The following C12orf75 variants were observed in gnomAD, a reference collection of about 807,000 sequenced individuals.
C12orf75 encodes the protein overexpressed in colon carcinoma 1 protein.
C12orf75 carries 4 observed loss-of-function variants against 11.4 expected under a neutral mutation model. The observed-to-expected ratio is 0.35, with a 90% confidence interval of 0.17 to 0.80. C12orf75 has a LOEUF of 0.80. Ranked by LOEUF, C12orf75 falls within the 30% of genes least tolerant of loss-of-function variation. The pLI, the probability that C12orf75 is intolerant of heterozygous loss-of-function variation, is 0.52. For synonymous variants in C12orf75, 30 were observed against 30.0 expected (o/e 1.00, Z 0.00); for missense variants, 89 against 80.4 (o/e 1.11, Z -0.41).
intron 5 of C12orf75, among the ~76,000 whole-genome samples, chr12:105,367,939 C>T (rs1871524565): frequency 6.6e-6 from 1 of 152,042 alleles, no homozygotes; most frequent in Non-Finnish European, 1.5e-5. Flanking sequence ...ACCAGAACTC[C>T]AGTAGAGATG....
chr12:105,338,949 A>G (rs1177962488), intron 1 of C12orf75, among the ~76,000 whole-genome samples: 14 of 152,226 alleles, frequency 9.2e-5, no homozygotes, highest in South Asian at 2.1e-4. Context: ...GAGATTTTCT[A>G]TAAGAGCTTC....
intron 2 of C12orf75, among the ~76,000 whole-genome samples, chr12:105,357,981 A>G (rs1003117648): frequency 4.6e-5 from 7 of 151,984 alleles, no homozygotes; most frequent in Non-Finnish European, 8.8e-5. Flanking sequence ...AGTAGCTGGG[A>G]CTACAGGTGC....
At chr12:105,342,327 G>A (rs936272660) in intron 1 of C12orf75, among the ~76,000 whole-genome samples, 1 of 152,202 alleles carries the variant, frequency 6.6e-6, no homozygotes, top group African/African-American at 2.4e-5. Flanking sequence ...TATTGAGAGA[G>A]TGGGTTGCTG....
At chr12:105,364,837 CTTTTTTTTTTTTT>C (rs71440583) in intron 2 of C12orf75, among the ~76,000 whole-genome samples, 1 of 125,698 alleles carries the variant, frequency 8.0e-6, no homozygotes, top group Non-Finnish European at 1.7e-5. Context: ...ATATGGACTC[CTTTTTTTTTTTTT>C]TTTTTTTTTG....
intron 1 of C12orf75, among the ~76,000 whole-genome samples, chr12:105,331,802 C>T (rs1027195310): frequency 3.9e-5 from 6 of 152,048 alleles, no homozygotes; most frequent in African/African-American, 2.4e-5. Context: ...TAACTGCTGA[C>T]CTATTTCAGT....
chr12:105,341,393 C>G (rs925451153), intron 1 of C12orf75, among the ~76,000 whole-genome samples: 1 of 152,164 alleles, frequency 6.6e-6, no homozygotes, highest in African/African-American at 2.4e-5. Flanking sequence ...GAGTTAGTGT[C>G]AGCCTCCACA....
At chr12:105,356,795 C>A (rs73383205) in intron 2 of C12orf75, among the ~76,000 whole-genome samples, 2,454 of 152,180 alleles carry the variant, frequency 0.016, 66 homozygotes, top group African/African-American at 0.056. Flanking sequence ...AAGATTTTGA[C>A]TACCATATAT....
At chr12:105,347,218 T>C (rs1892651290) in intron 1 of C12orf75, among the ~76,000 whole-genome samples, 2 of 152,220 alleles carry the variant, frequency 1.3e-5, no homozygotes, top group Non-Finnish European at 1.5e-5. Context: ...TGAGCTGTTT[T>C]TGTCACATGG....
chr12:105,354,101 G>T (rs1447388292), intron 2 of C12orf75, among the ~76,000 whole-genome samples: 1 of 152,184 alleles, frequency 6.6e-6, no homozygotes, highest in Non-Finnish European at 1.5e-5. Context: ...TATCTGATGG[G>T]CTCTTTTCTC....
chr12:105,355,043 A>T (rs1892757880), intron 2 of C12orf75, among the ~76,000 whole-genome samples: 1 of 152,128 alleles, frequency 6.6e-6, no homozygotes, highest in African/African-American at 2.4e-5. Flanking sequence ...TAGTTCCAGG[A>T]ACTATACTCC....
chr12:105,338,797 G>C (rs1469667292), intron 1 of C12orf75, among the ~76,000 whole-genome samples: 1 of 152,130 alleles, frequency 6.6e-6, no homozygotes, highest in Non-Finnish European at 1.5e-5. Flanking sequence ...TACAGTTAGA[G>C]CCCACTTGTT....
At chr12:105,351,743 C>A (rs180924806) in intron 2 of C12orf75, among the ~76,000 whole-genome samples, 8 of 152,120 alleles carry the variant, frequency 5.3e-5, no homozygotes, top group African/African-American at 1.7e-4. Flanking sequence ...CAGGTGGTGT[C>A]CCCTGGAGCC....
chr12:105,345,713 G>C (rs980871500), intron 1 of C12orf75, among the ~76,000 whole-genome samples: 2 of 130,426 alleles, frequency 1.5e-5, no homozygotes, highest in African/African-American at 2.9e-5. Flanking sequence ...CCAGGCTGGA[G>C]TGCAGTGGTG....
At chr12:105,334,067 G>A (rs1892470350) in intron 1 of C12orf75, among the ~76,000 whole-genome samples, 1 of 152,184 alleles carries the variant, frequency 6.6e-6, no homozygotes, top group Non-Finnish European at 1.5e-5. Flanking sequence ...TATGCCTGAT[G>A]CATGGAGAAA....
At chr12:105,351,361 G>A (rs1382758912) in intron 2 of C12orf75, among the ~76,000 whole-genome samples, 1 of 152,144 alleles carries the variant, frequency 6.6e-6, no homozygotes, top group Non-Finnish European at 1.5e-5. Flanking sequence ...GAAAGTCTTT[G>A]TGGGAAAATG....
At chr12:105,359,768 C>T (rs1892834846) in intron 2 of C12orf75, among the ~76,000 whole-genome samples, 1 of 135,930 alleles carries the variant, frequency 7.4e-6, no homozygotes, top group Admixed American at 7.4e-5. Context: ...CAGACTCCTT[C>T]TCCAGAAAAA....
intron 1 of C12orf75, among the ~76,000 whole-genome samples, chr12:105,332,153 C>T (rs1892437032): frequency 6.6e-6 from 1 of 152,198 alleles, no homozygotes; most frequent in Non-Finnish European, 1.5e-5. Context: ...TCAAACCTGC[C>T]TGTGGCCAGA....
At chr12:105,343,138 T>A (rs1359928049) in intron 1 of C12orf75, among the ~76,000 whole-genome samples, 1 of 152,254 alleles carries the variant, frequency 6.6e-6, no homozygotes, top group Non-Finnish European at 1.5e-5. Context: ...AAATTATGAT[T>A]ATCATTTCTA....
At chr12:105,336,256 G>GAA (rs1892498150) in intron 1 of C12orf75, among the ~76,000 whole-genome samples, 1 of 152,238 alleles carries the variant, frequency 6.6e-6, no homozygotes, top group Non-Finnish European at 1.5e-5. Context: ...GAGGAGGACA[G>GAA]AAAGGCACTG....
Sources: allele counts gnomAD v4.1 joint callset (sites outside exome capture counted in the v4.1 genomes callset), GRCh38; gene constraint gnomAD v4.1.1; transcripts MANE v1.5; gene names NCBI Gene and HGNC (gene_info 2026-07-23, HGNC 2026-07-21).